Variants in PHLPP1 observed in about 807,000 individuals in gnomAD.
The protein encoded by PHLPP1 is PH domain and leucine rich repeat protein phosphatase 1, also known as PH domain leucine-rich repeat-containing protein phosphatase 1.
Under a neutral mutation model 117.2 loss-of-function variants are expected in PHLPP1, and 42 were observed. The ratio of observed to expected loss-of-function variants is 0.36; its 90% CI spans 0.28 to 0.46. PHLPP1 has a LOEUF of 0.46. Among genes scored for constraint, PHLPP1 ranks in the 20% least tolerant of loss-of-function variants. The pLI is 1.00. For synonymous variants in PHLPP1, 1,042 were observed against 970.7 expected (o/e 1.07, Z -1.37); for missense variants, 2,084 against 2,241.9 (o/e 0.93, Z 1.42).
At chr18:62,931,827 G>A (rs548738312) in intron 10 of PHLPP1, among the ~76,000 whole-genome samples, 42 of 150,350 alleles carry the variant, frequency 2.8e-4, no homozygotes, top group African/African-American at 9.0e-4. Context: ...TCCGGGAGGC[G>A]GAGGTTACAG....
At chr18:62,877,478 G>T (rs910066748) in intron 4 of PHLPP1, among the ~76,000 whole-genome samples, 2 of 152,210 alleles carry the variant, frequency 1.3e-5, no homozygotes, top group African/African-American at 2.4e-5. Flanking sequence ...GCTGAAGAAA[G>T]AGTAAAGCCT....
intron 4 of PHLPP1, among the ~76,000 whole-genome samples, chr18:62,875,840 C>T (rs550637296): frequency 3.6e-4 from 54 of 152,054 alleles, no homozygotes; most frequent in African/African-American, 1.3e-3. Flanking sequence ...TCAAGTGATT[C>T]TCCTGCCTCA....
At chr18:62,723,860 T>C (rs2122049470) in intron 1 of PHLPP1, among the ~76,000 whole-genome samples, 1 of 152,336 alleles carries the variant, frequency 6.6e-6, no homozygotes, top group Non-Finnish European at 1.5e-5. Flanking sequence ...ATTTCCTCAT[T>C]TGTAAGACGA....
rs377133612 is a variant in PHLPP1 at position 62,978,573 on chromosome 18, C to T, written c.4296C>T (p.Cys1432=). 46 of 1,613,114 alleles carry T rather than the reference C, an allele frequency of 2.9e-5. No individual in the cohort carries two copies. The highest frequency in any genetic ancestry group is 1.7e-4 in the Middle Eastern group (1 of 6,060). ...LSVTEDSFCC[C]ELSAGGAVPP... Reference sequence around the variant, plus strand: ...TCACTGAGGACAGCTTCTGCTGCTGCGAGCTCAGCGCCGGTGGGGCTGTGC... The same window carrying T: ...TCACTGAGGACAGCTTCTGCTGCTGTGAGCTCAGCGCCGGTGGGGCTGTGC... Residue 1432 remains cysteine (C), a synonymous_variant, in exon 17 of 17, where the codon TGC becomes TGT. Transcript: ENST00000262719. The surrounding 1 kb of genome is among the most constrained non-coding windows in gnomAD (Gnocchi z 7.0).
chr18:62,936,350 C>T (rs1207584426), intron 10 of PHLPP1, among the ~76,000 whole-genome samples: 3 of 152,068 alleles, frequency 2.0e-5, no homozygotes, highest in Non-Finnish European at 1.5e-5. Flanking sequence ...TAGGATAATT[C>T]CATTTAACAA....
chr18:62,832,958 A>C (rs569559051), intron 2 of PHLPP1, among the ~76,000 whole-genome samples: 3 of 152,346 alleles, frequency 2.0e-5, no homozygotes, highest in African/African-American at 7.2e-5. Flanking sequence ...GCTGTTAAAT[A>C]AAACTCTCAA....
intron 1 of PHLPP1, chr18:62,826,160 T>G: frequency 3.1e-6 from 1 of 322,708 alleles, no homozygotes; most frequent in Non-Finnish European, 6.2e-6. Flanking sequence ...ATTTATTTGT[T>G]TTTTTTTTTC....
intron 1 of PHLPP1, among the ~76,000 whole-genome samples, chr18:62,815,121 G>T (rs936703357): frequency 2.0e-5 from 3 of 151,274 alleles, no homozygotes; most frequent in African/African-American, 7.3e-5. Flanking sequence ...GAGTTCTCTG[G>T]ATTTGACCGT....
intron 1 of PHLPP1, among the ~76,000 whole-genome samples, chr18:62,822,282 TTTTG>T: frequency 7.0e-5 from 9 of 129,198 alleles, no homozygotes; most frequent in African/African-American, 1.4e-4. Context: ...TTTTTTTTGT[TTTTG>T]TTTTTTTTTT....
intron 1 of PHLPP1, among the ~76,000 whole-genome samples, chr18:62,814,063 CTG>C (rs1914197878): frequency 1.3e-5 from 2 of 151,882 alleles, no homozygotes; most frequent in Admixed American, 6.6e-5. Flanking sequence ...ATAAAGAAAA[CTG>C]TAATCTGTAG....
intron 2 of PHLPP1, among the ~76,000 whole-genome samples, chr18:62,835,731 T>C (rs1029889860): frequency 2.8e-4 from 42 of 151,810 alleles, no homozygotes; most frequent in African/African-American, 9.2e-4. Flanking sequence ...ATAGTTCTAA[T>C]TACGTTAAAC....
chr18:62,925,267 A>G (rs904610245), intron 10 of PHLPP1, among the ~76,000 whole-genome samples: 8 of 152,160 alleles, frequency 5.3e-5, no homozygotes, highest in African/African-American at 1.9e-4. Flanking sequence ...TGATGGCCAG[A>G]CCGCTTTTCC....
chr18:62,978,207 A>G lies in PHLPP1; in HGVS notation c.3985-55A>G. 9.5e-7 allele frequency: 1 copy of G among 1,047,366 alleles called. No homozygotes were observed. The highest frequency in any genetic ancestry group is 1.4e-6 in the Non-Finnish European group (1 of 703,902). The allele number at this position is 1,047,366 out of a possible 1,614,324, so 64.9% of individuals were successfully genotyped here. ...CGAGGGACCCGCAGGGAACCTGCAC[A>G]GTTGCCGCAGGTGCTCTGTATTAAC... On this transcript the variant is annotated intron_variant, in intron 16 of 16. Coordinates refer to ENST00000262719, the MANE Select transcript of PHLPP1 (RefSeq NM_194449.4). The surrounding 1 kb of genome is among the most constrained non-coding windows in gnomAD (Gnocchi z 7.0).
rs147428953 is a variant in PHLPP1 at position 62,951,293 on chromosome 18, T to TATGTGTG, written c.3324+6022_3324+6023insATGTGTG. On this transcript the variant is annotated intron_variant, in intron 12 of 16. Coordinates refer to ENST00000262719, the MANE Select transcript of PHLPP1 (RefSeq NM_194449.4). The stretch of plus-strand genomic sequence containing the variant: ...ACCGCGCCTGGCCAACCCAGACTAG[T>TATGTGTG]TTTGTGTGTGTTTGTTTTTAACTCT... 3.7e-4 allele frequency among the ~76,000 whole-genome samples: 57 copies of TATGTGTG among 152,076 alleles called. No homozygotes were observed. In the East Asian group the frequency reaches 0.011, roughly 29 times the overall value.
At chr18:62,968,273 G>T (rs932138229) in intron 14 of PHLPP1, among the ~76,000 whole-genome samples, 11 of 152,232 alleles carry the variant, frequency 7.2e-5, no homozygotes, top group Admixed American at 5.2e-4. Context: ...AGAATGAGTT[G>T]GGAAGTGTTT....
chr18:62,879,003 A>G (rs184538190), intron 4 of PHLPP1, among the ~76,000 whole-genome samples: 54 of 152,252 alleles, frequency 3.5e-4, no homozygotes, highest in African/African-American at 1.2e-3. Context: ...ATGTTTCCCA[A>G]TTACCTTGTA....
At chr18:62,817,529 TGAA>T (rs944441015) in intron 1 of PHLPP1, among the ~76,000 whole-genome samples, 1 of 151,842 alleles carries the variant, frequency 6.6e-6, no homozygotes, top group African/African-American at 2.4e-5. Context: ...TTAGTGAACT[TGAA>T]GATACAGTAA....
intron 1 of PHLPP1, among the ~76,000 whole-genome samples, chr18:62,778,432 C>T (rs1020174555): frequency 6.6e-6 from 1 of 152,136 alleles, no homozygotes; most frequent in African/African-American, 2.4e-5. Flanking sequence ...TAGGAAATAG[C>T]TTCTGTTGAA....
intron 3 of PHLPP1, among the ~76,000 whole-genome samples, chr18:62,858,627 T>C (rs1426639891): frequency 5.9e-5 from 9 of 152,108 alleles, no homozygotes; most frequent in Non-Finnish European, 1.3e-4. Flanking sequence ...GTATGAATTT[T>C]AGTGGATATA....
Sources: allele counts gnomAD v4.1 joint callset (sites outside exome capture counted in the v4.1 genomes callset), GRCh38; gene constraint gnomAD v4.1.1; non-coding constraint Gnocchi (gnomAD v3.1); transcripts MANE v1.5; gene names NCBI Gene and HGNC (gene_info 2026-07-23, HGNC 2026-07-21).